Variants in RBPJ observed in about 807,000 individuals in gnomAD.
The protein encoded by RBPJ is recombining binding protein suppressor of hairless.
A neutral mutation model predicts 67.8 loss-of-function variants in RBPJ; 9 were observed. The ratio of observed to expected loss-of-function variants is 0.13; its 90% CI spans 0.08 to 0.23. The LOEUF (loss-of-function observed/expected upper bound fraction) is 0.23, where lower values mean the gene tolerates loss of function less well. Ranked by LOEUF, RBPJ falls within the 10% of genes least tolerant of loss-of-function variation. The probability of loss-of-function intolerance (pLI) is 1.00; values close to 1 mark genes in which losing one functional copy is unlikely to be tolerated. For missense variants in RBPJ, 305 were observed against 595.6 expected, an observed-to-expected ratio of 0.51 and a Z score of 5.08; for synonymous variants, 198 against 203.3, an observed-to-expected ratio of 0.97 and a Z score of 0.22.
intron 1 of RBPJ, among the ~76,000 whole-genome samples, chr4:26,342,446 C>T (rs1237545563): frequency 6.6e-6 from 1 of 152,142 alleles, no homozygotes; most frequent in Non-Finnish European, 1.5e-5. Flanking sequence ...GATTTCAGTT[C>T]CATTGCTGCT....
Position 26,415,629 on chromosome 4 carries a change from T to G in RBPJ, c.310T>G (p.Leu104Val). Residue 104 changes from leucine to valine, a missense_variant, in exon 4 of 11, where the codon TTG (leucine) becomes GTG (valine). Physicochemically the swap from Leu to Val is conservative, Grantham distance 32. This residue lies in a region of RBPJ where 79 missense variants were observed against 106.2 expected (regional missense o/e 0.74). Transcript: ENST00000355476. ...NSDQEMQQLN[L>V]EGKNYCTAKT... The stretch of plus-strand genomic sequence containing the variant: ...TGACCAAGAAATGCAGCAGCTAAAC[T>G]TGGAAGGAAAGGTAAATCAAGACTG... 3 of 1,608,532 alleles carry G rather than the reference T, an allele frequency of 1.9e-6. 1 individual carries two copies. The highest frequency in any genetic ancestry group is 1.1e-5 in the South Asian group (1 of 89,490).
intron 1 of RBPJ, among the ~76,000 whole-genome samples, chr4:26,276,612 G>A (rs575596651): frequency 1.3e-5 from 2 of 152,220 alleles, no homozygotes; most frequent in East Asian, 1.9e-4. Context: ...TTCTGTCCCT[G>A]TTGATTACTC....
intron 1 of RBPJ, chr4:26,359,603 C>G (rs558235405): frequency 6.6e-6 from 1 of 152,068 alleles, no homozygotes; most frequent in Non-Finnish European, 1.5e-5. Flanking sequence ...TTGCGCGGTG[C>G]GCTCCTCGGG....
the RBPJ span, among the ~76,000 whole-genome samples, chr4:26,150,549 C>G: frequency 1.3e-5 from 2 of 152,220 alleles, no homozygotes; most frequent in African/African-American, 4.8e-5. Flanking sequence ...GTAGCCCTAG[C>G]TGTGCAGCCT....
intron 1 of RBPJ, among the ~76,000 whole-genome samples, chr4:26,259,061 C>G (rs1044769836): frequency 6.6e-6 from 1 of 152,074 alleles, no homozygotes; most frequent in Non-Finnish European, 1.5e-5. Context: ...CTCAGACTCC[C>G]AAAGTGCTGG....
chr4:26,207,213 T>G (rs1327070455), intron 1 of RBPJ, among the ~76,000 whole-genome samples: 1 of 152,102 alleles, frequency 6.6e-6, no homozygotes, highest in African/African-American at 2.4e-5. Flanking sequence ...TTCCTCATGG[T>G]TTTTCTATAT....
At chr4:26,278,037 A>G (rs1286782141) in intron 1 of RBPJ, among the ~76,000 whole-genome samples, 1 of 152,226 alleles carries the variant, frequency 6.6e-6, no homozygotes. Flanking sequence ...TTGAGCACCT[A>G]TTATGTGCCA....
intron 1 of RBPJ, among the ~76,000 whole-genome samples, chr4:26,369,374 C>A (rs1438885820): frequency 6.6e-6 from 1 of 152,170 alleles, no homozygotes; most frequent in Non-Finnish European, 1.5e-5. Context: ...ATTTCCCTTA[C>A]CAAATGATTT....
At chr4:26,242,516 C>G (rs1239976352) in intron 1 of RBPJ, among the ~76,000 whole-genome samples, 1 of 150,736 alleles carries the variant, frequency 6.6e-6, no homozygotes, top group Non-Finnish European at 1.5e-5. Flanking sequence ...TCAGGAACCA[C>G]TAAGACCCTT....
At chr4:26,307,005 C>T (rs1436487320) in intron 1 of RBPJ, among the ~76,000 whole-genome samples, 1 of 151,942 alleles carries the variant, frequency 6.6e-6, no homozygotes, top group East Asian at 1.9e-4. Flanking sequence ...CTGGGTACTT[C>T]ACATAAAATA....
rs1175329595 is a variant in RBPJ at position 26,264,994 on chromosome 4, G to A, written c.-166-97452G>A. On this transcript the variant is annotated intron_variant, in intron 1 of 4. Transcript: ENST00000512351. This position sits in a 1 kb window ranked among gnomAD's most constrained non-coding sequence, Gnocchi z 4.1. The stretch of plus-strand genomic sequence containing the variant: ...CTCAAAGAAAGGACAGATGGTTGAA[G>A]TATTTATACCCTATTCATAGGGAAG... Among the ~76,000 whole-genome samples, 1 of 152,182 alleles carries A rather than the reference G, an allele frequency of 6.6e-6. No individual in the cohort carries two copies. Among genetic ancestry groups the A allele is most frequent in the Non-Finnish European group, 1.5e-5 (1 of 68,032 alleles).
intron 1 of RBPJ, among the ~76,000 whole-genome samples, chr4:26,174,447 T>C (rs1004845634): frequency 1.3e-5 from 2 of 152,218 alleles, no homozygotes; most frequent in African/African-American, 4.8e-5. Flanking sequence ...TTTTAAGTGA[T>C]ACACAGATGA....
upstream of RBPJ, among the ~76,000 whole-genome samples, chr4:26,316,564 T>TTC (rs1722638698): frequency 1.0e-5 from 1 of 97,046 alleles, no homozygotes; most frequent in Non-Finnish European, 2.1e-5. Context: ...TTCATATATA[T>TTC]ACACATTCAT....
At chr4:26,403,216 A>T (rs983486948) in intron 2 of RBPJ, among the ~76,000 whole-genome samples, 14 of 144,942 alleles carry the variant, frequency 9.7e-5, no homozygotes, top group African/African-American at 3.6e-4. Context: ...TCTTGTCCCA[A>T]TTCACAAAGG....
chr4:26,268,596 A>G (rs1720782099), intron 1 of RBPJ, among the ~76,000 whole-genome samples: 1 of 152,204 alleles, frequency 6.6e-6, no homozygotes, highest in Non-Finnish European at 1.5e-5. Flanking sequence ...CAGCCAACTC[A>G]GGTGATTTCA....
chr4:26,191,235 A>G (rs1195083643), intron 1 of RBPJ, among the ~76,000 whole-genome samples: 5 of 119,536 alleles, frequency 4.2e-5, no homozygotes, highest in African/African-American at 1.3e-4. Context: ...AGAGAGAGAG[A>G]GAGAGATAGA....
intron 1 of RBPJ, among the ~76,000 whole-genome samples, chr4:26,187,845 A>C (rs959236745): frequency 1.3e-5 from 2 of 152,014 alleles, no homozygotes; most frequent in African/African-American, 4.8e-5. Flanking sequence ...AACATGGGGA[A>C]ACCCTGTCTC....
chr4:26,306,440 T>TTATTAC lies in RBPJ; in HGVS notation c.-166-56001_-166-56000insCTATTA, dbSNP rs552851670. On this transcript the variant is annotated intron_variant, in intron 1 of 4. Coordinates refer to the RBPJ transcript ENST00000512351. ...GTTTTCTTATCATTTATTTGGAGAATTATTATTATTATTATTATTATTATT... is the reference window on the plus strand; with the variant it reads ...GTTTTCTTATCATTTATTTGGAGAATTATTACTATTATTATTATTATTATTATTATT... 3.3e-4 allele frequency among the ~76,000 whole-genome samples: 48 copies of TTATTAC among 147,542 alleles called. 3 individuals carry two copies. Among genetic ancestry groups the TTATTAC allele is most frequent in the African/African-American group, 1.2e-3 (47 of 40,334 alleles).
At chr4:26,184,612 G>A (rs1490745616) in intron 1 of RBPJ, among the ~76,000 whole-genome samples, 1 of 152,080 alleles carries the variant, frequency 6.6e-6, no homozygotes, top group Non-Finnish European at 1.5e-5. Flanking sequence ...CAGTCAAGCA[G>A]AGGACTCAGG....
Sources: gnomAD v4.1 joint callset for allele counts (sites outside exome capture counted in the v4.1 genomes callset) on GRCh38, gnomAD v4.1.1 for gene constraint, gnomAD v4.1.1 regional missense constraint, Gnocchi (gnomAD v3.1) non-coding constraint, MANE v1.5 for transcripts, NCBI Gene and HGNC (gene_info 2026-07-23, HGNC 2026-07-21) for gene names.